The following CFH variants were observed in gnomAD, a reference collection of about 807,000 sequenced individuals.
CFH encodes H factor 1 (complement).
CFH carries 53 observed loss-of-function variants against 147.3 expected under a neutral mutation model. The ratio of observed to expected loss-of-function variants is 0.36; its 90% CI spans 0.29 to 0.45. CFH has a LOEUF of 0.45. Ranked by LOEUF, CFH falls within the 20% of genes least tolerant of loss-of-function variation. The pLI, the probability that CFH is intolerant of heterozygous loss-of-function variation, is 1.00. For synonymous variants in CFH, 536 were observed against 489.4 expected (o/e 1.10, Z -1.26); for missense variants, 1,380 against 1,498.0 (o/e 0.92, Z 1.30).
At chr1:196,710,051 G>GGC (rs1321326271) in intron 9 of CFH, among the ~76,000 whole-genome samples, 1 of 82,050 alleles carries the variant, frequency 1.2e-5, no homozygotes, top group Non-Finnish European at 2.3e-5. Context: ...TACACACACA[G>GGC]ACACACAGAC....
chr1:196,658,950 G>A (rs1666811625), intron 1 of CFH, among the ~76,000 whole-genome samples: 1 of 152,128 alleles, frequency 6.6e-6, no homozygotes, highest in Non-Finnish European at 1.5e-5. Flanking sequence ...AAAATTAACT[G>A]GCAATTAAAT....
In CFH at chr1:196,685,044, T is replaced by G. The variant is rs377743610; in HGVS notation, c.791-20T>G. 3.5e-5 allele frequency: 54 copies of G among 1,548,154 alleles called. No individual in the cohort carries two copies. Among genetic ancestry groups the G allele is most frequent in the Non-Finnish European group, 4.6e-5 (51 of 1,120,662 alleles). ...CGGATACTTATTTCTGCATTATCCATATATCCTTTTTCTTTTCAGAAAAAT... is the reference window on the plus strand; with the variant it reads ...CGGATACTTATTTCTGCATTATCCAGATATCCTTTTTCTTTTCAGAAAAAT... On this transcript the variant is annotated intron_variant, in intron 6 of 21. Transcript: ENST00000367429.
intron 1 of CFH, among the ~76,000 whole-genome samples, chr1:196,666,298 C>T (rs1168688864): frequency 6.6e-6 from 1 of 152,066 alleles, no homozygotes; most frequent in Non-Finnish European, 1.5e-5. Context: ...TAATGTTTTA[C>T]TAGTTTCTTG....
rs2149113254 is a variant in CFH, at chr1:196,737,012, T to C, written c.2596+6T>C. ...GTCAATACCACTCTGTGTTGGTCAG[T>C]AGTGTATAATTTGTTTTACATAATT... is the stretch of plus-strand genomic sequence containing the variant. On this transcript the variant is annotated splice_donor_region_variant and intron_variant, in intron 16 of 21. Coordinates refer to ENST00000367429, the MANE Select transcript of CFH (RefSeq NM_000186.4). The C allele has an allele frequency of 6.2e-7, 1 of 1,605,806 alleles. No individual in the cohort carries two copies. The highest frequency in any genetic ancestry group is 1.3e-5 in the African/African-American group (1 of 74,812).
intron 7 of CFH, among the ~76,000 whole-genome samples, chr1:196,687,029 C>A (rs1667852783): frequency 6.6e-6 from 1 of 152,018 alleles, no homozygotes; most frequent in Admixed American, 6.6e-5. Context: ...AAGGAATCTG[C>A]ATTAGGGCAG....
chr1:196,744,622 A>G (rs1372793130), intron 20 of CFH, among the ~76,000 whole-genome samples: 1 of 152,142 alleles, frequency 6.6e-6, no homozygotes, highest in African/African-American at 2.4e-5. Flanking sequence ...AGATCCATTT[A>G]CACTCTCCAC....
At chr1:196,735,487 A>T (rs1238358920) in intron 15 of CFH, among the ~76,000 whole-genome samples, 1 of 152,118 alleles carries the variant, frequency 6.6e-6, no homozygotes, top group Non-Finnish European at 1.5e-5. Context: ...CTCTTTCTTA[A>T]TTGTTTACTA....
At chr1:196,704,384 G>A (rs181057607) in intron 9 of CFH, among the ~76,000 whole-genome samples, 2 of 152,290 alleles carry the variant, frequency 1.3e-5, no homozygotes, top group Admixed American at 1.3e-4. Flanking sequence ...TTACAGGTGT[G>A]AGCCACTGCT....
chr1:196,682,286 C>G (rs893443084), intron 6 of CFH, among the ~76,000 whole-genome samples: 1 of 151,722 alleles, frequency 6.6e-6, no homozygotes, highest in South Asian at 2.1e-4. Context: ...ATTCTAACTT[C>G]AAATGACCAA....
At chr1:196,671,046 TAAGTTTAATA>T (rs1344323464) in intron 1 of CFH, among the ~76,000 whole-genome samples, 1 of 152,174 alleles carries the variant, frequency 6.6e-6, no homozygotes, top group African/African-American at 2.4e-5. Context: ...AAACTTCCTC[TAAGTTTAATA>T]AGTTTGTATT....
At chr1:196,652,287 T>C (rs1305879499) in intron 1 of CFH, 112 bp downstream of exon 1, 4 of 800,138 alleles carry the variant, frequency 5.0e-6, no homozygotes, top group African/African-American at 3.4e-5. Context: ...AAGTATTCTG[T>C]AACTTGACAA....
chr1:196,668,827 G>T (rs776383106), intron 1 of CFH, among the ~76,000 whole-genome samples: 1 of 152,080 alleles, frequency 6.6e-6, no homozygotes, highest in Non-Finnish European at 1.5e-5. Context: ...TTATAGCAGT[G>T]CAAAATGGAC....
intron 9 of CFH, among the ~76,000 whole-genome samples, chr1:196,696,822 AC>A (rs1200215222): frequency 3.3e-5 from 5 of 152,198 alleles, no homozygotes; most frequent in African/African-American, 1.2e-4. Flanking sequence ...GACCAATGGA[AC>A]AGAACAGAGC....
intron 3 of CFH, among the ~76,000 whole-genome samples, chr1:196,675,220 A>G (rs539997346): frequency 6.6e-6 from 1 of 152,286 alleles, no homozygotes; most frequent in South Asian, 2.1e-4. Context: ...CATTTTGCAC[A>G]TGTCCCAGGG....
chr1:196,741,697 T>C (rs1362034931), intron 18 of CFH, 178 bp from the exon 19 acceptor site: 7 of 600,514 alleles, frequency 1.2e-5, no homozygotes, highest in Non-Finnish European at 1.8e-5. Context: ...TTTTAATAGA[T>C]TTAGAAGAAT....
At chr1:196,684,926 TATG>T in intron 6 of CFH, 135 bp from the exon 7 acceptor site, 1 of 686,658 alleles carries the variant, frequency 1.5e-6, no homozygotes, top group South Asian at 1.8e-5. Flanking sequence ...GAAAGGATAC[TATG>T]ATATGTTCAT....
intron 1 of CFH, among the ~76,000 whole-genome samples, chr1:196,653,508 A>T (rs1184176396): frequency 6.6e-6 from 1 of 151,934 alleles, no homozygotes; most frequent in Non-Finnish European, 1.5e-5. Context: ...TCATACCTAC[A>T]TACTGTTTGC....
intron 11 of CFH, among the ~76,000 whole-genome samples, chr1:196,720,533 G>A (rs1668974657): frequency 6.6e-6 from 1 of 151,712 alleles, no homozygotes; most frequent in African/African-American, 2.4e-5. Flanking sequence ...ACAATATGTG[G>A]GATTTTACTT....
intron 9 of CFH, among the ~76,000 whole-genome samples, chr1:196,690,589 C>T (rs1230889074): frequency 6.6e-6 from 1 of 152,012 alleles, no homozygotes; most frequent in East Asian, 1.9e-4. Context: ...GACGTGGACA[C>T]ACACAAGGAG....
Sources: gnomAD v4.1 joint callset for allele counts (sites outside exome capture counted in the v4.1 genomes callset) on GRCh38, gnomAD v4.1.1 for gene constraint, MANE v1.5 for transcripts, NCBI Gene and HGNC (gene_info 2026-07-23, HGNC 2026-07-21) for gene names.